Variants in AMACR observed in about 807,000 individuals in gnomAD.
AMACR encodes the protein alpha-methylacyl-CoA racemase.
Under a neutral mutation model 22.2 loss-of-function variants are expected in AMACR, and 18 were observed. That is an observed-to-expected ratio of 0.81 (90% CI 0.56 to 1.20). The LOEUF is 1.20. Ranked by LOEUF, AMACR falls within the 50% of genes most tolerant of loss-of-function variation. The probability of loss-of-function intolerance (pLI) is 0.00; values close to 1 mark genes in which losing one functional copy is unlikely to be tolerated. For synonymous variants in AMACR, 213 were observed against 191.3 expected (o/e 1.11, Z -0.94); for missense variants, 499 against 490.6 (o/e 1.02, Z -0.16).
chr5:34,004,325 C>T (rs979906160), intron 3 of AMACR, among the ~76,000 whole-genome samples: 23 of 152,124 alleles, frequency 1.5e-4, no homozygotes, highest in Admixed American at 9.8e-4. Flanking sequence ...CCTAAAACAA[C>T]GTAGGAATCA....
rs1223051569 is a variant in AMACR, at chr5:34,004,570, T to C, written c.552+4A>G. On this transcript the variant is annotated splice_donor_region_variant and intron_variant, in intron 3 of 4. Transcript: ENST00000335606. ...GGCAGGCATCTACCCCAATTAATAC[T>C]TACCATATTTGCATCAATGACCTGA... 2 of 1,613,948 alleles carry C rather than the reference T, an allele frequency of 1.2e-6. No individual in the cohort carries two copies. The highest frequency in any genetic ancestry group is 2.7e-5 in the African/African-American group (2 of 74,902).
chr5:33,997,255 T>G (rs1753668240), intron 4 of AMACR: 1 of 770,954 alleles, frequency 1.3e-6, no homozygotes, highest in Admixed American at 1.7e-5. Context: ...CTTTCTTTAT[T>G]GGTCCGGATT....
chr5:33,987,739 T>C lies in AMACR; in HGVS notation c.*1354A>G, dbSNP rs1753338279. On this transcript the variant is annotated 3_prime_UTR_variant, in exon 5 of 5. Transcript: ENST00000335606. Reference sequence around the variant, plus strand: ...GCACAGTGTCCAATAGGTGCATACATCTCCTTAGTAAGTAGTTGTGATTAA... The same window carrying C: ...GCACAGTGTCCAATAGGTGCATACACCTCCTTAGTAAGTAGTTGTGATTAA... 1 of 152,212 alleles carries C rather than the reference T, an allele frequency of 6.6e-6. No homozygotes were observed. Among genetic ancestry groups the C allele is most frequent in the African/African-American group, 2.4e-5 (1 of 41,446 alleles). The allele number at this position is 152,212 out of a possible 1,614,324, so 9.4% of individuals were successfully genotyped here.
chr5:33,993,365 G>C (rs1254057853), intron 4 of AMACR, among the ~76,000 whole-genome samples: 2 of 152,062 alleles, frequency 1.3e-5, no homozygotes, highest in Non-Finnish European at 2.9e-5. Context: ...TGGCTATTGT[G>C]AATAATGTCA....
At chr5:33,997,356 A>T in intron 4 of AMACR, 1 of 775,828 alleles carries the variant, frequency 1.3e-6, no homozygotes, top group Non-Finnish European at 2.4e-6. Flanking sequence ...GCTTGAAAAC[A>T]TCCAACTCAA....
At chr5:33,992,686 G>A (rs2112040584) in intron 4 of AMACR, among the ~76,000 whole-genome samples, 1 of 152,262 alleles carries the variant, frequency 6.6e-6, no homozygotes, top group East Asian at 1.9e-4. Context: ...CTCAAGCCTA[G>A]GCAACAGTGT....
At position 33,988,429 on chromosome 5, in the gene AMACR, C is replaced by T. The variant is rs557489281; in HGVS notation, c.*664G>A. The T allele has an allele frequency of 6.5e-7, 1 of 1,535,954 alleles. No homozygotes were observed. Among genetic ancestry groups the T allele is most frequent in the East Asian group, 2.4e-5 (1 of 40,890 alleles). Reference sequence around the variant, plus strand: ...CCAGAGACCCACGGGGAAACAGGCCCCGAGTTACTGGATACAGGCAACCCT... The same window carrying T: ...CCAGAGACCCACGGGGAAACAGGCCTCGAGTTACTGGATACAGGCAACCCT... On this transcript the variant is annotated 3_prime_UTR_variant, in exon 5 of 5. Transcript: ENST00000335606.
At chr5:34,006,484 G>T (rs560702364) in intron 1 of AMACR, among the ~76,000 whole-genome samples, 1 of 152,038 alleles carries the variant, frequency 6.6e-6, no homozygotes, top group South Asian at 2.1e-4. Flanking sequence ...AAATTTCCTG[G>T]GATTAAAAGT....
chr5:33,992,070 G>A (rs1161565797), intron 4 of AMACR, among the ~76,000 whole-genome samples: 1 of 151,996 alleles, frequency 6.6e-6, no homozygotes, highest in Non-Finnish European at 1.5e-5. Flanking sequence ...TAGTAGAGAT[G>A]GGGTTTCACT....
At position 34,000,591 on chromosome 5, in the gene AMACR, A is replaced by G. The variant is rs555581272; in HGVS notation, c.553-1764T>C. Among the ~76,000 whole-genome samples the G allele has an allele frequency of 7.4e-4, 112 of 152,222 alleles. 1 individual carries two copies. The South Asian group carries it at 0.012, about 16-fold the overall frequency. ...CAGCTCACCGTAACCTCCACCTCCA[A>G]GGTTCAAGCGATTCTCCTGCCTCAG... On this transcript the variant is annotated intron_variant, in intron 3 of 4. Coordinates refer to ENST00000335606, the MANE Select transcript of AMACR (RefSeq NM_014324.6).
In AMACR at chr5:33,988,292, G is replaced by T; in HGVS notation, c.*801C>A. 6.5e-7 allele frequency: 1 copy of T among 1,535,794 alleles called. No homozygotes were observed. The highest frequency in any genetic ancestry group is 2.4e-5 in the East Asian group (1 of 41,220). Reference sequence around the variant, plus strand: ...CAAGGAGACACAAAACGACTTGCTGGGGGGTCCTGAGATCTTTATTTCTGG... The same window carrying T: ...CAAGGAGACACAAAACGACTTGCTGTGGGGTCCTGAGATCTTTATTTCTGG... On this transcript the variant is annotated 3_prime_UTR_variant, in exon 5 of 5. Coordinates refer to ENST00000335606, the MANE Select transcript of AMACR (RefSeq NM_014324.6).
In AMACR at chr5:34,005,827, A is replaced by G. The variant is rs121917816; in HGVS notation, c.320T>C (p.Leu107Pro). The G allele has an allele frequency of 3.7e-6, 6 of 1,614,194 alleles. No individual in the cohort carries two copies. The South Asian group carries it at 5.5e-5, about 15-fold the overall frequency. Residue 107 changes from leucine (L) to proline (P), a missense_variant, in exon 2 of 5, where the codon CTG becomes CCG. Transcript: ENST00000335606. The part of the protein sequence containing the change: ...RENPRLIYAR[L>P]SGFGQSGSFC... ...GCTTCCTGACTGGCCAAATCCACTC[A>G]GCCTGGCATAAATAAGCCTTGGATT...
At chr5:33,991,097 A>C (rs999278703) in intron 4 of AMACR, among the ~76,000 whole-genome samples, 3 of 152,250 alleles carry the variant, frequency 2.0e-5, no homozygotes, top group Non-Finnish European at 2.9e-5. Context: ...TCAGAATGTG[A>C]TCAGAATCAT....
chr5:34,007,813 C>T lies in AMACR; in HGVS notation c.207G>A (p.Leu69=), dbSNP rs1454082108. 1.9e-6 allele frequency: 3 copies of T among 1,576,220 alleles called. No homozygotes were observed. Among genetic ancestry groups the T allele is most frequent in the Non-Finnish European group, 2.6e-6 (3 of 1,165,334 alleles). Residue 69 remains leucine, a synonymous_variant, in exon 1 of 5, where the codon CTG becomes CTA. Transcript: ENST00000335606. ...QPRGAAVLRR[L]CKRSDVLLEP... ...CCAGCAGCACATCCGACCGCTTGCA[C>T]AGACGCCGCAGCACGGCGGCTCCCC...
rs1753958432 is a variant in AMACR, at chr5:34,005,897, C to T, written c.250G>A (p.Val84Ile). The change falls in exon 2 of 5, where the codon GTC becomes ATC. Residue 84 changes from valine to isoleucine, a missense_variant and splice_region_variant. Coordinates refer to ENST00000335606, the MANE Select transcript of AMACR (RefSeq NM_014324.6). ...DVLLEPFRRG[V>I]MEKLQLGPEI... is the part of the protein sequence containing the mutation. Reference sequence around the variant, plus strand: ...GGGCCCAGCTGGAGTTTCTCCATGACACCTTAAGAGAAAAGTAACGATCTT... The same window carrying T: ...GGGCCCAGCTGGAGTTTCTCCATGATACCTTAAGAGAAAAGTAACGATCTT... The T allele has an allele frequency of 6.2e-7, 1 of 1,614,152 alleles. No individual in the cohort carries two copies. Among genetic ancestry groups the T allele is most frequent in the African/African-American group, 1.3e-5 (1 of 75,046 alleles).
chr5:33,987,949 T>C lies in AMACR; in HGVS notation c.*1144A>G, dbSNP rs840380. 0.03 allele frequency: 5,079 copies of C among 169,432 alleles called. 239 individuals are homozygous for C. Among genetic ancestry groups the C allele is most frequent in the East Asian group, 0.17 (1,045 of 6,274 alleles). 10.5% of individuals were successfully genotyped at this position (169,432 alleles called of 1,614,324 possible). On this transcript the variant is annotated 3_prime_UTR_variant, in exon 5 of 5. Coordinates refer to ENST00000335606, the MANE Select transcript of AMACR (RefSeq NM_014324.6). The stretch of plus-strand genomic sequence containing the variant: ...AATCACTGAGGCGCTAAGGGAAACA[T>C]GAACTAAGAAGCCCTTCTGAGTCTC...
Position 34,005,793 on chromosome 5 carries a change from C to G in AMACR, c.354G>C (p.Arg118=). 6.2e-7 allele frequency: 1 copy of G among 1,614,086 alleles called. No homozygotes were observed. The highest frequency in any genetic ancestry group is 8.5e-7 in the Non-Finnish European group (1 of 1,180,040). ...SGFGQSGSFC[R]LAGHDINYLA... is the part of the protein sequence containing the mutation. ...AATAGTTGATATCGTGGCCAGCTAA[C>G]CGGCAGAAGCTTCCTGACTGGCCAA... The change falls in exon 2 of 5, where the codon CGG becomes CGC. Residue 118 remains arginine (R), a synonymous_variant. Transcript: ENST00000335606.
chr5:33,989,721 T>C (rs535717965), intron 4 of AMACR, among the ~76,000 whole-genome samples: 1 of 152,312 alleles, frequency 6.6e-6, no homozygotes, highest in South Asian at 2.1e-4. Flanking sequence ...GATTTTATTA[T>C]TCACATTTCA....
chr5:33,986,955 T>C lies in AMACR; in HGVS notation c.*2138A>G, dbSNP rs1462694276. The C allele has an allele frequency of 6.6e-6, 1 of 152,100 alleles. No individual in the cohort carries two copies. The highest frequency in any genetic ancestry group is 2.4e-5 in the African/African-American group (1 of 41,342). The allele number at this position is 152,100 out of a possible 1,614,324, so 9.4% of individuals were successfully genotyped here. ...GACTTCGAGTGGGTTATATTTTCCT[T>C]GCTGGACCGAGTTCAAATGAAAAGT... On this transcript the variant is annotated 3_prime_UTR_variant, in exon 5 of 5. Transcript: ENST00000335606.
Sources: allele counts gnomAD v4.1 joint callset (sites outside exome capture counted in the v4.1 genomes callset), GRCh38; gene constraint gnomAD v4.1.1; transcripts MANE v1.5; gene names NCBI Gene and HGNC (gene_info 2026-07-23, HGNC 2026-07-21).